Variants in CENPE observed in about 807,000 individuals in gnomAD.
The protein encoded by CENPE is centromere protein E.
CENPE carries 145 observed loss-of-function variants against 336.1 expected under a neutral mutation model. That is an observed-to-expected ratio of 0.43 (90% CI 0.38 to 0.50). The LOEUF (loss-of-function observed/expected upper bound fraction) is 0.50. Ranked by LOEUF, CENPE falls within the 20% of genes least tolerant of loss-of-function variation. CENPE has a pLI of 0.00. For missense variants in CENPE, 2,719 were observed against 3,023.3 expected (o/e 0.90, Z 2.36); for synonymous variants, 1,013 against 984.8 (o/e 1.03, Z -0.54).
In CENPE at chr4:103,122,898, T is replaced by G; in HGVS notation, c.7116A>C (p.Thr2372=). 6.2e-7 allele frequency: 1 copy of G among 1,613,456 alleles called. No homozygotes were observed. Among genetic ancestry groups the G allele is most frequent in the East Asian group, 2.2e-5 (1 of 44,850 alleles). Reference sequence around the variant, plus strand: ...CTGTGGTTAACTGTGTAGCTCTTGATGTAACATGAGGATTCTTATTGTCTT... The same window carrying G: ...CTGTGGTTAACTGTGTAGCTCTTGAGGTAACATGAGGATTCTTATTGTCTT... ...TTQDNKNPHV[T]SRATQLTTEK... is the part of the protein sequence containing the mutation. The change falls in exon 43 of 49, where the codon ACA becomes ACC. Residue 2372 remains threonine (T), a synonymous_variant. Transcript: ENST00000265148.
chr4:103,133,739 A>G lies in CENPE; in HGVS notation c.6676T>C (p.Leu2226=), dbSNP rs1203472556. Residue 2226 remains leucine (L), a synonymous_variant, in exon 41 of 49, where the codon TTA becomes CTA. Transcript: ENST00000265148. The part of the protein sequence containing the change: ...QQDCDVPSRE[L]RDLKLNQNMD... ...TTCTGGTTCAATTTGAGATCCCTTA[A>G]TTCTCTGGATGGTACATCACAATCT... 1.2e-6 allele frequency: 2 copies of G among 1,610,168 alleles called. No individual in the cohort carries two copies. Among genetic ancestry groups the G allele is most frequent in the Non-Finnish European group, 8.5e-7 (1 of 1,178,208 alleles).
intron 16 of CENPE, among the ~76,000 whole-genome samples, chr4:103,173,711 T>C (rs1378670653): frequency 1.3e-5 from 2 of 151,658 alleles, no homozygotes; most frequent in Admixed American, 1.3e-4. Context: ...AACAACCCAA[T>C]TAAAATATAG....
chr4:103,174,172 TAA>T (rs201538196), intron 16 of CENPE, among the ~76,000 whole-genome samples: 3 of 143,104 alleles, frequency 2.1e-5, no homozygotes, highest in Non-Finnish European at 3.1e-5. Context: ...TTCAGCTATT[TAA>T]AAAAAAAAAA....
chr4:103,124,418 T>C (rs534285358), intron 42 of CENPE, among the ~76,000 whole-genome samples: 1 of 152,328 alleles, frequency 6.6e-6, no homozygotes, highest in South Asian at 2.1e-4. Flanking sequence ...ATTAGATTTG[T>C]ACTAACATAT....
chr4:103,174,365 G>A (rs1755675265), intron 16 of CENPE, among the ~76,000 whole-genome samples: 2 of 151,884 alleles, frequency 1.3e-5, no homozygotes, highest in South Asian at 2.1e-4. Context: ...GAAGAAAATG[G>A]GGAAATCTTG....
chr4:103,152,995 G>A (rs1397852806), intron 25 of CENPE, 52 bp downstream of exon 25: 4 of 1,319,340 alleles, frequency 3.0e-6, no homozygotes, highest in Non-Finnish European at 4.2e-6. Flanking sequence ...ATAAAAATCT[G>A]AAACAAATGA....
intron 8 of CENPE, among the ~76,000 whole-genome samples, chr4:103,186,803 GC>G (rs1437373678): frequency 6.6e-6 from 1 of 152,190 alleles, no homozygotes; most frequent in Admixed American, 6.5e-5. Flanking sequence ...GCAGTGGAAG[GC>G]TTGTCATTAA....
chr4:103,183,172 T>C (rs768287733), intron 10 of CENPE, 29 bp downstream of exon 10: 10 of 1,494,030 alleles, frequency 6.7e-6, no homozygotes, highest in African/African-American at 4.2e-5. Flanking sequence ...TAAGAATCAG[T>C]AGGTAAGTGC....
chr4:103,113,630 C>G (rs928648892), intron 46 of CENPE, among the ~76,000 whole-genome samples: 1 of 141,276 alleles, frequency 7.1e-6, no homozygotes, highest in Non-Finnish European at 1.5e-5. Flanking sequence ...AGATATATTA[C>G]TTATATATTA....
chr4:103,194,012 T>A (rs553778786), intron 8 of CENPE, among the ~76,000 whole-genome samples: 1 of 152,060 alleles, frequency 6.6e-6, no homozygotes, highest in South Asian at 2.1e-4. Context: ...TTTTAGGAGA[T>A]GGCAACCATG....
intron 8 of CENPE, among the ~76,000 whole-genome samples, chr4:103,193,240 A>C (rs1373725773): frequency 2.0e-5 from 3 of 152,080 alleles, no homozygotes. Context: ...AATTATATGA[A>C]ATATCACAGT....
At position 103,149,279 on chromosome 4, in the gene CENPE, G is replaced by A. The variant is rs763566481; in HGVS notation, c.3526C>T (p.His1176Tyr). The A allele has an allele frequency of 1.4e-5, 23 of 1,612,630 alleles. No homozygotes were observed. Among genetic ancestry groups the A allele is most frequent in the South Asian group, 3.3e-5 (3 of 90,884 alleles). Reference protein sequence around the residue: ...ELKNKELTLEHMETERLELAQ... With the variant: ...ELKNKELTLEYMETERLELAQ... Reference sequence around the variant, plus strand: ...AACTCAAGCCTCTCTGTTTCCATATGTTCCAATGTCAATTCTTTGTTCTTT... The same window carrying A: ...AACTCAAGCCTCTCTGTTTCCATATATTCCAATGTCAATTCTTTGTTCTTT... Residue 1176 changes from histidine to tyrosine, a missense_variant, in exon 27 of 49, where the codon CAT becomes TAT. Coordinates refer to ENST00000265148, the MANE Select transcript of CENPE (RefSeq NM_001813.3).
At position 103,108,657 on chromosome 4, in the gene CENPE, T is replaced by A. The variant is rs2125826658; in HGVS notation, c.8011+146A>T. 22 of 775,830 alleles carry A rather than the reference T, an allele frequency of 2.8e-5. 1 individual carries two copies. In the South Asian group the frequency reaches 4.3e-4, roughly 15 times the overall value. 48.1% of individuals were successfully genotyped at this position (775,830 alleles called of 1,614,324 possible). On this transcript the variant is annotated intron_variant, in intron 48 of 48. Transcript: ENST00000265148. ...TGGGGTGCCTTGGAGAAATCAACTT[T>A]CTTACAGAGTCAGCAAATGAAGCCT...
chr4:103,176,405 C>A (rs941493857), intron 14 of CENPE, among the ~76,000 whole-genome samples: 1 of 152,064 alleles, frequency 6.6e-6, no homozygotes, highest in Non-Finnish European at 1.5e-5. Context: ...TATGTCAATG[C>A]CACTCTTTTA....
intron 8 of CENPE, among the ~76,000 whole-genome samples, chr4:103,190,738 G>A (rs190359393): frequency 0.011 from 1,655 of 152,232 alleles, 23 homozygotes; most frequent in African/African-American, 0.034. Flanking sequence ...CATGGGCAAG[G>A]ACTTCATGTC....
At chr4:103,197,294 G>C (rs1757815517) in intron 1 of CENPE, among the ~76,000 whole-genome samples, 1 of 152,122 alleles carries the variant, frequency 6.6e-6, no homozygotes, top group Non-Finnish European at 1.5e-5. Context: ...TCTGTGCCTG[G>C]AATACTCTGA....
chr4:103,141,829 C>T lies in CENPE; in HGVS notation c.5384G>A (p.Gly1795Glu). Residue 1795 changes from glycine (G) to glutamate (E), a missense_variant, in exon 35 of 49, where the codon GGA (glycine) becomes GAA (glutamate). By Grantham distance (98) the Gly-to-Glu change is moderately conservative (BLOSUM62 -2). This residue lies in a region of CENPE where 2,437 missense variants were observed against 2,513.3 expected (regional missense o/e 0.97). Transcript: ENST00000265148. ...EQQETIDKLR[G>E]IVSEKTDKLS... Reference sequence around the variant, plus strand: ...TTTATCTGTCTTCTCAGAAACAATTCCTCTGAGTTTGTCAATAGTTTCCTG... The same window carrying T: ...TTTATCTGTCTTCTCAGAAACAATTTCTCTGAGTTTGTCAATAGTTTCCTG... The T allele has an allele frequency of 6.3e-7, 1 of 1,587,254 alleles. No individual in the cohort carries two copies. Among genetic ancestry groups the T allele is most frequent in the Non-Finnish European group, 8.6e-7 (1 of 1,158,808 alleles).
At chr4:103,180,027 C>T (rs1185456310) in intron 13 of CENPE, among the ~76,000 whole-genome samples, 1 of 152,108 alleles carries the variant, frequency 6.6e-6, no homozygotes, top group African/African-American at 2.4e-5. Context: ...ATTCTAGAAA[C>T]CTATGGCTTC....
At chr4:103,174,002 T>A (rs1755645077) in intron 16 of CENPE, among the ~76,000 whole-genome samples, 1 of 151,940 alleles carries the variant, frequency 6.6e-6, no homozygotes. Context: ...CTACTGGGCA[T>A]GTACCCAAAG....
Sources: gnomAD v4.1 joint callset for allele counts (sites outside exome capture counted in the v4.1 genomes callset) on GRCh38, gnomAD v4.1.1 for gene constraint, gnomAD v4.1.1 regional missense constraint, MANE v1.5 for transcripts, NCBI Gene and HGNC (gene_info 2026-07-23, HGNC 2026-07-21) for gene names.